The following PRPSAP1 variants were observed in gnomAD, a reference collection of about 807,000 sequenced individuals.
The protein encoded by PRPSAP1 is phosphoribosyl pyrophosphate synthetase associated protein 1, also known as phosphoribosyl pyrophosphate synthase-associated protein 1.
PRPSAP1 carries 31 observed loss-of-function variants against 39.4 expected under a neutral mutation model. That is an observed-to-expected ratio of 0.79 (90% CI 0.59 to 1.06). The LOEUF is 1.06. PRPSAP1 is among the 50% of genes least tolerant of loss of function. PRPSAP1 has a pLI of 0.00. For missense variants in PRPSAP1, 430 were observed against 511.6 expected (o/e 0.84, Z 1.54); for synonymous variants, 212 against 192.6 (o/e 1.10, Z -0.83).
chr17:76,320,431 T>TTTTC (rs2071183397), intron 7 of PRPSAP1, among the ~76,000 whole-genome samples: 1 of 142,452 alleles, frequency 7.0e-6, no homozygotes, highest in Non-Finnish European at 1.5e-5. Context: ...TGCTTTTTTT[T>TTTTC]TTTTTTTTTT....
At chr17:76,328,443 T>C (rs1312129626) in intron 7 of PRPSAP1, among the ~76,000 whole-genome samples, 4 of 152,028 alleles carry the variant, frequency 2.6e-5, no homozygotes, top group African/African-American at 9.7e-5. Context: ...ACCCTGTCTC[T>C]ACTAAAAATA....
In PRPSAP1 at chr17:76,311,705, T is replaced by C. The variant is rs762216194; in HGVS notation, c.1000-5A>G. 2.5e-6 allele frequency: 4 copies of C among 1,611,182 alleles called. No individual in the cohort carries two copies. Among genetic ancestry groups the C allele is most frequent in the Non-Finnish European group, 3.4e-6 (4 of 1,178,226 alleles). Reference sequence around the variant, plus strand: ...GACAGTATTCGTCACCACCACCTAGTCACACAGTGATGGAAAACAAACGCT... The same window carrying C: ...GACAGTATTCGTCACCACCACCTAGCCACACAGTGATGGAAAACAAACGCT... On this transcript the variant is annotated splice_polypyrimidine_tract_variant and splice_region_variant and intron_variant, in intron 9 of 9. Coordinates refer to ENST00000446526, the MANE Select transcript of PRPSAP1 (RefSeq NM_002766.3).
intron 7 of PRPSAP1, among the ~76,000 whole-genome samples, chr17:76,322,175 T>A (rs537272274): frequency 7.9e-5 from 12 of 152,266 alleles, no homozygotes; most frequent in South Asian, 6.2e-4. Context: ...GGCAGTTAGA[T>A]CATTTGAGGT....
At chr17:76,331,000 T>C (rs920609531) in intron 4 of PRPSAP1, among the ~76,000 whole-genome samples, 31 of 152,122 alleles carry the variant, frequency 2.0e-4, no homozygotes, top group African/African-American at 7.2e-4. Context: ...CAGTAAGGCC[T>C]TGATTACAGA....
chr17:76,338,735 A>AAT (rs2071404550), intron 3 of PRPSAP1, among the ~76,000 whole-genome samples: 1 of 151,626 alleles, frequency 6.6e-6, no homozygotes, highest in African/African-American at 2.4e-5. Context: ...TAAAATATAA[A>AAT]ATAAAATAAA....
chr17:76,353,317 G>T (rs2071600294), intron 1 of PRPSAP1: 6 of 518,332 alleles, frequency 1.2e-5, no homozygotes, highest in Non-Finnish European at 1.3e-5. Context: ...GGGGCGGGGG[G>T]CTGAGGTCAC....
chr17:76,348,645 A>C, intron 1 of PRPSAP1, 64 bp from the exon 2 acceptor site: 1 of 1,194,668 alleles, frequency 8.4e-7, no homozygotes, highest in Non-Finnish European at 1.2e-6. Flanking sequence ...ATTCCAGTTC[A>C]TATGCATATG....
At chr17:76,342,246 G>A (rs1567808243) in intron 3 of PRPSAP1, among the ~76,000 whole-genome samples, 1 of 152,002 alleles carries the variant, frequency 6.6e-6, no homozygotes, top group East Asian at 1.9e-4. Context: ...TGAATAAACC[G>A]ATGCATCCAC....
chr17:76,350,598 C>A (rs2143556862), intron 1 of PRPSAP1, among the ~76,000 whole-genome samples: 1 of 152,242 alleles, frequency 6.6e-6, no homozygotes, highest in Admixed American at 6.6e-5. Flanking sequence ...AGAATGGAGG[C>A]TACCAGGGAA....
Position 76,312,873 on chromosome 17 carries a change from G to A in PRPSAP1, c.996C>T (p.Asp332=), listed in dbSNP as rs375646688. The change falls in exon 9 of 10, where the codon GAC becomes GAT. Residue 332 remains aspartate, a synonymous_variant. Coordinates refer to ENST00000446526, the MANE Select transcript of PRPSAP1 (RefSeq NM_002766.3). ...APRLIEESSV[D]EVVVTNTVPH... is the part of the protein sequence containing the mutation. ...CAAGATTTAGAAGCAGCCTGACCTC[G>A]TCTACGGAGGACTCCTCAATCAGGC... 20 of 1,609,496 alleles carry A rather than the reference G, an allele frequency of 1.2e-5. No individual in the cohort carries two copies. In the African/African-American group the frequency reaches 1.9e-4, roughly 15 times the overall value.
chr17:76,325,336 G>A (rs912083814), intron 7 of PRPSAP1, among the ~76,000 whole-genome samples: 1 of 142,358 alleles, frequency 7.0e-6, no homozygotes, highest in African/African-American at 2.6e-5. Context: ...GTGAACCCGG[G>A]AGGCGGAGCT....
In PRPSAP1 at chr17:76,310,072, G is replaced by A. The variant is rs2071053671; in HGVS notation, c.*1470C>T. The A allele has an allele frequency of 6.6e-6, 1 of 150,724 alleles. No homozygotes were observed. The highest frequency in any genetic ancestry group is 1.5e-5 in the Non-Finnish European group (1 of 67,932). 9.3% of individuals were successfully genotyped at this position (150,724 alleles called of 1,614,324 possible). Reference sequence around the variant, plus strand: ...ACAATCTCAGCTCACTGCAATCTCTGCCTCTTGGGTTCAACCAATTAATTC... The same window carrying A: ...ACAATCTCAGCTCACTGCAATCTCTACCTCTTGGGTTCAACCAATTAATTC... On this transcript the variant is annotated 3_prime_UTR_variant, in exon 10 of 10. Transcript: ENST00000446526.
chr17:76,319,694 T>C (rs550194029), intron 7 of PRPSAP1, among the ~76,000 whole-genome samples: 81 of 151,326 alleles, frequency 5.4e-4, no homozygotes, highest in African/African-American at 1.6e-3. Context: ...ACCTCGTGAT[T>C]CGCCCTCCTT....
chr17:76,329,957 G>C (rs940855550), intron 6 of PRPSAP1, 86 bp downstream of exon 6: 101 of 1,322,350 alleles, frequency 7.6e-5, no homozygotes, highest in Non-Finnish European at 1.1e-4. Flanking sequence ...CAAAGGCCAC[G>C]AGTGACAGCC....
At chr17:76,313,668 G>A (rs921663127) in intron 8 of PRPSAP1, 153 bp downstream of exon 8, 1 of 743,826 alleles carries the variant, frequency 1.3e-6, no homozygotes, top group Non-Finnish European at 2.3e-6. Flanking sequence ...CCTGGATACA[G>A]GTTTCTGCCA....
intron 7 of PRPSAP1, among the ~76,000 whole-genome samples, chr17:76,323,384 T>C (rs2071219078): frequency 6.6e-6 from 1 of 150,658 alleles, no homozygotes; most frequent in Non-Finnish European, 1.5e-5. Flanking sequence ...ATAGATGCCA[T>C]AGATAGTGAT....
rs566266230 is a variant in PRPSAP1 at position 76,341,783 on chromosome 17, C to T, written c.290+2888G>A. Among the ~76,000 whole-genome samples the T allele has an allele frequency of 6.6e-5, 10 of 152,076 alleles. No individual in the cohort carries two copies. In the South Asian group the frequency reaches 1.9e-3, roughly 28 times the overall value. ...TGAAACCCCGTCTCTACTAAAAATACAAAAAATTAGCCGGGCGTGGTGGTG... is the reference window on the plus strand; with the variant it reads ...TGAAACCCCGTCTCTACTAAAAATATAAAAAATTAGCCGGGCGTGGTGGTG... On this transcript the variant is annotated intron_variant, in intron 3 of 9. Coordinates refer to ENST00000446526, the MANE Select transcript of PRPSAP1 (RefSeq NM_002766.3).
intron 3 of PRPSAP1, among the ~76,000 whole-genome samples, chr17:76,338,944 A>G (rs956042789): frequency 3.3e-5 from 5 of 152,002 alleles, no homozygotes; most frequent in Admixed American, 2.0e-4. Flanking sequence ...CAGGCAGGAG[A>G]ATCACTTGAA....
intron 6 of PRPSAP1, chr17:76,329,068 C>A: frequency 7.7e-6 from 4 of 518,988 alleles, no homozygotes; most frequent in Non-Finnish European, 1.3e-5. Context: ...GTATCTGATT[C>A]TAGACATTTT....
Sources: allele counts gnomAD v4.1 joint callset (sites outside exome capture counted in the v4.1 genomes callset), GRCh38; gene constraint gnomAD v4.1.1; transcripts MANE v1.5; gene names NCBI Gene and HGNC (gene_info 2026-07-23, HGNC 2026-07-21).